EIF2B3: variants seen among roughly 807,000 people sequenced by gnomAD.
EIF2B3 encodes the protein translation initiation factor eIF2B subunit gamma.
EIF2B3 carries 20 observed loss-of-function variants against 54.1 expected under a neutral mutation model. That is an observed-to-expected ratio of 0.37 (90% CI 0.26 to 0.54). The LOEUF (loss-of-function observed/expected upper bound fraction) is 0.54. EIF2B3 is among the 20% of genes least tolerant of loss of function. EIF2B3 has a pLI of 0.86. For synonymous variants in EIF2B3, 153 were observed against 188.1 expected, an observed-to-expected ratio of 0.81 and a Z score of 1.52; for missense variants, 448 against 547.8, an observed-to-expected ratio of 0.82 and a Z score of 1.82.
chr1:44,921,525 T>G (rs1455811510), intron 5 of EIF2B3, among the ~76,000 whole-genome samples: 1 of 152,242 alleles, frequency 6.6e-6, no homozygotes. Flanking sequence ...GTTTGAGGTC[T>G]TAGATTTAGG....
intron 8 of EIF2B3, among the ~76,000 whole-genome samples, chr1:44,878,397 G>A (rs1341728902): frequency 6.6e-6 from 1 of 152,044 alleles, no homozygotes; most frequent in Non-Finnish European, 1.5e-5. Flanking sequence ...TGAGAAGCTG[G>A]GATTACAGGT....
At chr1:44,969,903 A>C (rs1644383564) in intron 3 of EIF2B3, 1 of 152,244 alleles carries the variant, frequency 6.6e-6, no homozygotes. Context: ...AATATGAAAC[A>C]TTATTATGGA....
At chr1:44,880,926 C>A (rs920269426) in intron 7 of EIF2B3, among the ~76,000 whole-genome samples, 1 of 151,506 alleles carries the variant, frequency 6.6e-6, no homozygotes, top group African/African-American at 2.4e-5. Context: ...GCGCCACTGC[C>A]CTCCAGCCTG....
chr1:44,959,435 A>C, intron 3 of EIF2B3: 1 of 435,166 alleles, frequency 2.3e-6, no homozygotes, highest in Non-Finnish European at 4.4e-6. Context: ...CCAGCTACTT[A>C]GGAGACTGAG....
In EIF2B3 at chr1:44,914,160, A is replaced by ATT. The variant is rs34681417; in HGVS notation, c.566+12466_566+12467dup. On this transcript the variant is annotated intron_variant, in intron 5 of 11. Transcript: ENST00000360403. ...GCTTTTAAAACTTTTTAAATTGGGA[A>ATT]TTTTTTTTTTTTTTTTTGAGGCAGA... Among the ~76,000 whole-genome samples, 207 of 133,646 alleles carry ATT rather than the reference A, an allele frequency of 1.5e-3. 1 individual carries two copies. Among genetic ancestry groups the ATT allele is most frequent in the African/African-American group, 3.7e-3 (132 of 35,796 alleles). 87.7% of individuals were successfully genotyped at this position (133,646 alleles called of 152,430 possible). A position where few individuals can be genotyped will look rare whatever the true frequency, so the allele number is the denominator to read the frequency against.
rs140159390 is a variant in EIF2B3, at chr1:44,982,816, G to A, written c.-9-1639C>T. On this transcript the variant is annotated intron_variant, in intron 1 of 11. Coordinates refer to ENST00000360403, the MANE Select transcript of EIF2B3 (RefSeq NM_020365.5). The stretch of plus-strand genomic sequence containing the variant: ...TCTCTCTTGTTGCCCAGGCTGAAGT[G>A]CAGTGGCACGATCTCAGCTCACCAC... Among the ~76,000 whole-genome samples, 1,283 of 150,142 alleles carry A rather than the reference G, an allele frequency of 8.5e-3. 8 individuals carry two copies. The highest frequency in any genetic ancestry group is 0.027 in the Middle Eastern group (8 of 292).
chr1:44,901,923 C>T (rs1643314072), intron 5 of EIF2B3, among the ~76,000 whole-genome samples: 1 of 152,116 alleles, frequency 6.6e-6, no homozygotes, highest in South Asian at 2.1e-4. Context: ...AAAATCTATA[C>T]AACTCTTACA....
At chr1:44,957,475 CATA>C in intron 3 of EIF2B3, among the ~76,000 whole-genome samples, 1 of 152,240 alleles carries the variant, frequency 6.6e-6, no homozygotes, top group Admixed American at 6.5e-5. Context: ...TAACTTCACT[CATA>C]ATAAGAAAAA....
intron 6 of EIF2B3, among the ~76,000 whole-genome samples, chr1:44,888,343 G>A (rs1397871228): frequency 6.6e-6 from 1 of 152,186 alleles, no homozygotes; most frequent in Non-Finnish European, 1.5e-5. Flanking sequence ...CCTTTGTGAT[G>A]CAGCTTGGCC....
chr1:44,851,981 C>T (rs1293481635), intron 11 of EIF2B3, among the ~76,000 whole-genome samples: 1 of 149,900 alleles, frequency 6.7e-6, no homozygotes, highest in African/African-American at 2.5e-5. Context: ...TGGAGTCTTG[C>T]TTTGTCACCC....
chr1:44,959,861 G>A (rs1644266322), intron 3 of EIF2B3, among the ~76,000 whole-genome samples: 1 of 152,194 alleles, frequency 6.6e-6, no homozygotes, highest in African/African-American at 2.4e-5. Context: ...TTCTGACTGA[G>A]CTGTGTTGTT....
intron 3 of EIF2B3, among the ~76,000 whole-genome samples, chr1:44,960,404 C>T (rs1644271687): frequency 6.6e-6 from 1 of 152,082 alleles, no homozygotes; most frequent in Non-Finnish European, 1.5e-5. Flanking sequence ...CTTTGGGAGG[C>T]CGAGGCAGGC....
intron 10 of EIF2B3, among the ~76,000 whole-genome samples, chr1:44,866,408 A>C (rs903751336): frequency 2.0e-5 from 3 of 151,842 alleles, no homozygotes; most frequent in Non-Finnish European, 4.4e-5. Context: ...AAAAAAAAAA[A>C]AACAAACAAA....
chr1:44,970,081 T>C (rs1644385003), intron 3 of EIF2B3: 1 of 152,098 alleles, frequency 6.6e-6, no homozygotes, highest in African/African-American at 2.4e-5. Flanking sequence ...ATCAGTAAAA[T>C]TGTGGGGTTA....
chr1:44,862,377 A>G (rs1654635827), intron 10 of EIF2B3, among the ~76,000 whole-genome samples: 1 of 152,168 alleles, frequency 6.6e-6, no homozygotes, highest in Non-Finnish European at 1.5e-5. Context: ...TTTCAGTGGA[A>G]AGGAGGCCAT....
intron 11 of EIF2B3, among the ~76,000 whole-genome samples, chr1:44,857,391 C>T (rs1037494755): frequency 5.9e-5 from 9 of 152,152 alleles, no homozygotes; most frequent in Admixed American, 3.3e-4. Flanking sequence ...ATTAGCTGGG[C>T]GTGGTGGCAC....
chr1:44,898,520 TA>T (rs974309591), intron 5 of EIF2B3, among the ~76,000 whole-genome samples: 10 of 152,032 alleles, frequency 6.6e-5, no homozygotes, highest in Admixed American at 3.3e-4. Flanking sequence ...TGCCTAGGTG[TA>T]AAAAATGCCA....
At chr1:44,949,050 G>A (rs1204430497) in intron 3 of EIF2B3, among the ~76,000 whole-genome samples, 4 of 152,012 alleles carry the variant, frequency 2.6e-5, no homozygotes, top group Non-Finnish European at 5.9e-5. Context: ...TACATTTTTA[G>A]TACAGACAGT....
intron 5 of EIF2B3, among the ~76,000 whole-genome samples, chr1:44,914,441 G>A (rs1447800669): frequency 2.6e-5 from 4 of 152,110 alleles, no homozygotes; most frequent in Non-Finnish European, 2.9e-5. Context: ...GATTATAGGC[G>A]TGAGCCACTG....
Sources: gnomAD v4.1 joint callset for allele counts (sites outside exome capture counted in the v4.1 genomes callset) on GRCh38, gnomAD v4.1.1 for gene constraint, MANE v1.5 for transcripts, NCBI Gene and HGNC (gene_info 2026-07-23, HGNC 2026-07-21) for gene names.